Variants in C10orf90 observed in about 807,000 individuals in gnomAD.
C10orf90 encodes the protein chromosome 10 open reading frame 90.
A neutral mutation model predicts 62.5 loss-of-function variants in C10orf90; 56 were observed. The observed-to-expected ratio is 0.90, with a 90% CI of 0.72 to 1.12. C10orf90 has a LOEUF of 1.12. Among genes scored for constraint, C10orf90 ranks in the 50% most tolerant of loss-of-function variants. The probability of loss-of-function intolerance (pLI) is 0.00; values close to 1 mark genes in which losing one functional copy is unlikely to be tolerated. For missense variants in C10orf90, 970 were observed against 880.4 expected (o/e 1.10, Z -1.29); for synonymous variants, 386 against 340.4 (o/e 1.13, Z -1.47).
chr10:126,471,457 T>G (rs935721691), intron 4 of C10orf90, among the ~76,000 whole-genome samples: 1 of 152,170 alleles, frequency 6.6e-6, no homozygotes, highest in African/African-American at 2.4e-5. Context: ...CAGACTGACT[T>G]GTAAACTGTG....
At chr10:126,656,526 C>T (rs1157260498) in intron 1 of C10orf90, among the ~76,000 whole-genome samples, 2 of 152,230 alleles carry the variant, frequency 1.3e-5, no homozygotes, top group African/African-American at 2.4e-5. Flanking sequence ...TCCTCTGCTG[C>T]CTCAGTAGAA....
chr10:126,599,772 CACTA>C (rs1345150095), intron 2 of C10orf90, among the ~76,000 whole-genome samples: 1 of 152,132 alleles, frequency 6.6e-6, no homozygotes, highest in Admixed American at 6.5e-5. Context: ...ATTTAACAAA[CACTA>C]ACTACTTCAT....
At chr10:126,531,365 G>A (rs879756696) in intron 2 of C10orf90, among the ~76,000 whole-genome samples, 7 of 152,118 alleles carry the variant, frequency 4.6e-5, no homozygotes, top group Non-Finnish European at 8.8e-5. Flanking sequence ...GCAATCAGGG[G>A]TGCTGCGAAA....
rs1564873413 is a variant in C10orf90, at chr10:126,564,849, ATTATATAAAATATATATT to A, written c.314-50928_314-50911del. 1.2e-3 allele frequency among the ~76,000 whole-genome samples: 44 copies of A among 36,418 alleles called. 13 individuals are homozygous for A. The highest frequency in any genetic ancestry group is 5.7e-3 in the African/African-American group (40 of 7,062). 23.9% of individuals were successfully genotyped at this position (36,418 alleles called of 152,430 possible). ...CTCTCTCTCTATATATATATTATATATTATATAAAATATATATTATATATAATATATAAAATATATTAT... is the reference window on the plus strand; with the variant it reads ...CTCTCTCTCTATATATATATTATATAATATATAATATATAAAATATATTAT... On this transcript the variant is annotated intron_variant, in intron 2 of 9. Coordinates refer to ENST00000488181, the MANE Select transcript of C10orf90 (RefSeq NM_001350921.2).
intron 2 of C10orf90, among the ~76,000 whole-genome samples, chr10:126,585,641 G>C (rs1272829934): frequency 1.3e-5 from 2 of 152,118 alleles, no homozygotes; most frequent in Non-Finnish European, 2.9e-5. Flanking sequence ...GGAAGGGTAG[G>C]TCAGATTCAG....
At chr10:126,503,029 T>A (rs1349139385) in intron 4 of C10orf90, among the ~76,000 whole-genome samples, 2 of 152,230 alleles carry the variant, frequency 1.3e-5, no homozygotes, top group African/African-American at 2.4e-5. Flanking sequence ...TGAATAAAAG[T>A]TGTACCGTAA....
chr10:126,470,857 A>T (rs908068460), intron 4 of C10orf90, among the ~76,000 whole-genome samples: 9 of 144,322 alleles, frequency 6.2e-5, no homozygotes, highest in Non-Finnish European at 1.1e-4. Flanking sequence ...AGACTGGTAG[A>T]TATTTTCTCT....
At chr10:126,434,452 C>G (rs1476754095) in intron 7 of C10orf90, among the ~76,000 whole-genome samples, 2 of 152,154 alleles carry the variant, frequency 1.3e-5, no homozygotes, top group African/African-American at 4.8e-5. Flanking sequence ...AAATGATAAT[C>G]AAGTTCACAC....
intron 2 of C10orf90, among the ~76,000 whole-genome samples, chr10:126,554,099 T>G (rs1232397384): frequency 6.6e-6 from 1 of 151,808 alleles, no homozygotes; most frequent in Non-Finnish European, 1.5e-5. Context: ...GCAGCTTTGT[T>G]CATAACAGCC....
chr10:126,521,965 C>T (rs903132463), intron 2 of C10orf90, among the ~76,000 whole-genome samples: 32 of 152,154 alleles, frequency 2.1e-4, no homozygotes, highest in Non-Finnish European at 4.4e-5. Flanking sequence ...ACCCAAAAGC[C>T]TGGGCTAAAG....
chr10:126,629,880 G>T (rs763081604), intron 2 of C10orf90, among the ~76,000 whole-genome samples: 11 of 152,164 alleles, frequency 7.2e-5, no homozygotes, highest in Admixed American at 1.3e-4. Flanking sequence ...GAAAAGTGAG[G>T]GTGGTGGGAG....
intron 7 of C10orf90, among the ~76,000 whole-genome samples, chr10:126,438,833 T>A (rs1858099803): frequency 6.6e-6 from 1 of 151,966 alleles, no homozygotes; most frequent in African/African-American, 2.4e-5. Flanking sequence ...GTGTGTGCCA[T>A]TACCAACATG....
chr10:126,561,280 T>A (rs1425001901), intron 2 of C10orf90, among the ~76,000 whole-genome samples: 6 of 152,186 alleles, frequency 3.9e-5, no homozygotes, highest in Non-Finnish European at 8.8e-5. Flanking sequence ...CTCTAATTAA[T>A]CTTAATAGCA....
chr10:126,437,833 A>G (rs1858022873), intron 7 of C10orf90, among the ~76,000 whole-genome samples: 1 of 152,056 alleles, frequency 6.6e-6, no homozygotes, highest in Non-Finnish European at 1.5e-5. Flanking sequence ...CCCTGAGGCT[A>G]TAGTCTGAAG....
At chr10:126,633,967 A>C (rs1449447231) in intron 2 of C10orf90, among the ~76,000 whole-genome samples, 1 of 152,208 alleles carries the variant, frequency 6.6e-6, no homozygotes, top group Non-Finnish European at 1.5e-5. Context: ...TGTTATCAAA[A>C]AAGAAGAAAC....
At chr10:126,619,382 T>C (rs763999107) in intron 2 of C10orf90, among the ~76,000 whole-genome samples, 8 of 152,218 alleles carry the variant, frequency 5.3e-5, no homozygotes, top group Non-Finnish European at 8.8e-5. Flanking sequence ...TTTTCCCAAG[T>C]AGTTGCGCCA....
intron 2 of C10orf90, among the ~76,000 whole-genome samples, chr10:126,599,613 T>C (rs1845157319): frequency 6.6e-6 from 1 of 151,854 alleles, no homozygotes; most frequent in South Asian, 2.1e-4. Context: ...CGCCACCCTC[T>C]GGCTGCCCCT....
chr10:126,605,191 G>A (rs948030124), intron 2 of C10orf90, among the ~76,000 whole-genome samples: 18 of 152,230 alleles, frequency 1.2e-4, no homozygotes, highest in South Asian at 2.1e-4. Context: ...ATTTGGGCCA[G>A]CAAGTCATGA....
intron 7 of C10orf90, among the ~76,000 whole-genome samples, chr10:126,444,116 G>A (rs1268374341): frequency 6.6e-6 from 1 of 151,918 alleles, no homozygotes; most frequent in Non-Finnish European, 1.5e-5. Context: ...ATGGAAAAGA[G>A]AAGGATGCCC....
Sources: allele counts gnomAD v4.1 joint callset (sites outside exome capture counted in the v4.1 genomes callset), GRCh38; gene constraint gnomAD v4.1.1; transcripts MANE v1.5; gene names NCBI Gene and HGNC (gene_info 2026-07-23, HGNC 2026-07-21).